SLC31A1: variants seen among roughly 807,000 people sequenced by gnomAD.
SLC31A1 encodes the protein high affinity copper uptake protein 1.
Under a neutral mutation model 17.2 loss-of-function variants are expected in SLC31A1, and 5 were observed. The ratio of observed to expected loss-of-function variants is 0.29; its 90% CI spans 0.15 to 0.61. SLC31A1 has a LOEUF of 0.61. SLC31A1 is among the 20% of genes least tolerant of loss of function. The probability of loss-of-function intolerance (pLI) is 0.86; values close to 1 mark genes in which losing one functional copy is unlikely to be tolerated. For synonymous variants in SLC31A1, 76 were observed against 78.8 expected, an observed-to-expected ratio of 0.96 and a Z score of 0.19; for missense variants, 161 against 241.4, an observed-to-expected ratio of 0.67 and a Z score of 2.21.
At chr9:113,231,843 G>A (rs368542597) in intron 1 of SLC31A1, among the ~76,000 whole-genome samples, 1 of 152,084 alleles carries the variant, frequency 6.6e-6, no homozygotes, top group African/African-American at 2.4e-5. Flanking sequence ...TGGGCCATAC[G>A]TTAAGTACTC....
At position 113,260,292 on chromosome 9, in the gene SLC31A1, C is replaced by T. The variant is rs753696396; in HGVS notation, c.392C>T (p.Pro131Leu). ...KTVGQQMLSF[P>L]HLLQTVLHII... Reference sequence around the variant, plus strand: ...TCCAGGCAACAGATGCTGAGCTTTCCTCACCTCCTGCAAACAGTGCTGCAC... The same window carrying T: ...TCCAGGCAACAGATGCTGAGCTTTCTTCACCTCCTGCAAACAGTGCTGCAC... The change falls in exon 5 of 5, where the codon CCT becomes CTT. Residue 131 changes from proline (P) to leucine (L), a missense_variant. Pro to Leu is a moderately conservative substitution (Grantham distance 98). Coordinates refer to ENST00000374212, the MANE Select transcript of SLC31A1 (RefSeq NM_001859.4). 9.3e-6 allele frequency: 15 copies of T among 1,613,964 alleles called. No homozygotes were observed. The highest frequency in any genetic ancestry group is 8.8e-5 in the South Asian group (8 of 91,080).
chr9:113,237,424 GT>G (rs974418661), intron 1 of SLC31A1, among the ~76,000 whole-genome samples: 1 of 149,562 alleles, frequency 6.7e-6, no homozygotes, highest in African/African-American at 2.5e-5. Flanking sequence ...ATAGGTCTAC[GT>G]TTTTTTTTTC....
chr9:113,230,835 C>T (rs1299325269), intron 1 of SLC31A1, among the ~76,000 whole-genome samples: 2 of 152,104 alleles, frequency 1.3e-5, no homozygotes, highest in Admixed American at 6.6e-5. Flanking sequence ...CTCATGCTTT[C>T]TTGACTATAA....
intron 1 of SLC31A1, among the ~76,000 whole-genome samples, chr9:113,222,377 A>G (rs189806876): frequency 9.2e-5 from 14 of 152,246 alleles, no homozygotes; most frequent in Admixed American, 1.3e-4. Flanking sequence ...ATCAACATCA[A>G]TTGTGGCGGA....
At chr9:113,243,283 T>G (rs1831540386) in intron 1 of SLC31A1, among the ~76,000 whole-genome samples, 1 of 152,202 alleles carries the variant, frequency 6.6e-6, no homozygotes, top group Non-Finnish European at 1.5e-5. Context: ...TCCATTCATG[T>G]TTACTCAGAA....
In SLC31A1 at chr9:113,247,130, T is replaced by A. The variant is rs375300031; in HGVS notation, c.-35-8984T>A. ...GTAGTGTACTGTCTTTGACCTTGAA[T>A]TTTCTGTATAAGTGCTTGCCAGAAA... On this transcript the variant is annotated intron_variant, in intron 1 of 4. Coordinates refer to ENST00000374212, the MANE Select transcript of SLC31A1 (RefSeq NM_001859.4). Among the ~76,000 whole-genome samples the A allele has an allele frequency of 9.8e-5, 15 of 152,286 alleles. No homozygotes were observed. In the East Asian group the frequency reaches 1.7e-3, roughly 18 times the overall value.
At chr9:113,238,195 G>C (rs1366619101) in intron 1 of SLC31A1, among the ~76,000 whole-genome samples, 1 of 152,220 alleles carries the variant, frequency 6.6e-6, no homozygotes, top group African/African-American at 2.4e-5. Flanking sequence ...GACAAATTGA[G>C]AAATGTCTGG....
At chr9:113,235,724 T>G (rs1050053916) in intron 1 of SLC31A1, among the ~76,000 whole-genome samples, 9 of 152,102 alleles carry the variant, frequency 5.9e-5, no homozygotes, top group Non-Finnish European at 1.0e-4. Context: ...TGGGTAACAA[T>G]TAAATAAAAT....
chr9:113,261,469 AT>A lies in SLC31A1; in HGVS notation c.*997del, dbSNP rs1380888094. ...ATTCCCACTTAACACTTTGATTAGCATGAACTTGCCAATCAAAAAATGACAA... is the reference window on the plus strand; with the variant it reads ...ATTCCCACTTAACACTTTGATTAGCAGAACTTGCCAATCAAAAAATGACAA... On this transcript the variant is annotated 3_prime_UTR_variant, in exon 5 of 5. Transcript: ENST00000374212. 1 of 152,680 alleles carries A rather than the reference AT, an allele frequency of 6.5e-6. No individual in the cohort carries two copies. Among genetic ancestry groups the A allele is most frequent in the African/African-American group, 2.4e-5 (1 of 41,460 alleles). 9.5% of individuals were successfully genotyped at this position (152,680 alleles called of 1,614,324 possible).
chr9:113,226,874 A>G (rs1379038379), intron 1 of SLC31A1, among the ~76,000 whole-genome samples: 1 of 152,198 alleles, frequency 6.6e-6, no homozygotes, highest in African/African-American at 2.4e-5. Flanking sequence ...TTAATTTATG[A>G]AATGAAAGGG....
At chr9:113,253,696 G>A (rs1307189240) in intron 1 of SLC31A1, among the ~76,000 whole-genome samples, 1 of 151,610 alleles carries the variant, frequency 6.6e-6, no homozygotes, top group African/African-American at 2.4e-5. Flanking sequence ...TGGGATTACA[G>A]GCGCGTGCCA....
chr9:113,263,159 G>C lies in SLC31A1; in HGVS notation c.*2686G>C, dbSNP rs1259637444. On this transcript the variant is annotated 3_prime_UTR_variant, in exon 5 of 5. Coordinates refer to ENST00000374212, the MANE Select transcript of SLC31A1 (RefSeq NM_001859.4). ...GGTGACAAAGCAAGACCCTGTCTCA[G>C]AAAAAAAGAAAATTCAAGGCCAGTT... The C allele has an allele frequency of 6.6e-6, 1 of 151,964 alleles. No homozygotes were observed. Among genetic ancestry groups the C allele is most frequent in the Non-Finnish European group, 1.5e-5 (1 of 67,980 alleles). The allele number at this position is 151,964 out of a possible 1,614,324, so 9.4% of individuals were successfully genotyped here.
At chr9:113,234,159 A>G (rs984452060) in intron 1 of SLC31A1, among the ~76,000 whole-genome samples, 1 of 151,452 alleles carries the variant, frequency 6.6e-6, no homozygotes, top group African/African-American at 2.4e-5. Context: ...TTTGGCTCCC[A>G]CTTATGACTG....
chr9:113,249,379 T>C (rs2119008212), intron 1 of SLC31A1, among the ~76,000 whole-genome samples: 1 of 152,104 alleles, frequency 6.6e-6, no homozygotes. Flanking sequence ...TTTTTTATTT[T>C]TTTTGAGATG....
intron 1 of SLC31A1, among the ~76,000 whole-genome samples, chr9:113,243,012 G>A (rs955962134): frequency 2.6e-5 from 4 of 151,302 alleles, no homozygotes; most frequent in Non-Finnish European, 5.9e-5. Context: ...TCTCCCAAGA[G>A]CTTTGTGTTT....
intron 1 of SLC31A1, among the ~76,000 whole-genome samples, chr9:113,232,894 G>T (rs527623504): frequency 2.6e-5 from 4 of 152,202 alleles, no homozygotes; most frequent in Non-Finnish European, 4.4e-5. Flanking sequence ...CTATGGGGTA[G>T]TTGGTGGACA....
chr9:113,235,642 G>T (rs981681157), intron 1 of SLC31A1, among the ~76,000 whole-genome samples: 1 of 152,164 alleles, frequency 6.6e-6, no homozygotes, highest in Admixed American at 6.5e-5. Context: ...AGATCCCCCC[G>T]GAGAGGAGGA....
intron 1 of SLC31A1, among the ~76,000 whole-genome samples, chr9:113,226,442 G>C (rs1324755884): frequency 6.6e-6 from 1 of 152,128 alleles, no homozygotes; most frequent in Non-Finnish European, 1.5e-5. Flanking sequence ...TATGCCAAAA[G>C]AAATCTTATA....
At chr9:113,233,587 A>G (rs2118988895) in intron 1 of SLC31A1, among the ~76,000 whole-genome samples, 1 of 152,322 alleles carries the variant, frequency 6.6e-6, no homozygotes, top group African/African-American at 2.4e-5. Flanking sequence ...TTACTTACAC[A>G]GTGCGTTAGA....
Sources: allele counts gnomAD v4.1 joint callset (sites outside exome capture counted in the v4.1 genomes callset), GRCh38; gene constraint gnomAD v4.1.1; transcripts MANE v1.5; gene names NCBI Gene and HGNC (gene_info 2026-07-23, HGNC 2026-07-21).